KIF6: variants seen among roughly 807,000 people sequenced by gnomAD.
The protein encoded by KIF6 is kinesin-like protein KIF6.
In KIF6, 106 loss-of-function variants were observed where a neutral mutation model predicts 112.7. The observed-to-expected ratio is 0.94, with a 90% CI of 0.80 to 1.11. The LOEUF (loss-of-function observed/expected upper bound fraction) is 1.11, where lower values mean the gene tolerates loss of function less well. Ranked by LOEUF, KIF6 falls within the 50% of genes least tolerant of loss-of-function variation. The pLI is 0.00. For missense variants in KIF6, 929 were observed against 964.0 expected (o/e 0.96, Z 0.48); for synonymous variants, 339 against 339.9 (o/e 1.00, Z 0.03).
intron 13 of KIF6, among the ~76,000 whole-genome samples, chr6:39,490,356 G>A (rs1309797041): frequency 6.6e-6 from 1 of 152,314 alleles, no homozygotes; most frequent in Middle Eastern, 3.4e-3. Flanking sequence ...CAAGGTAAAA[G>A]TGTGAGTTAT....
At chr6:39,631,951 G>T (rs528884392) in intron 5 of KIF6, among the ~76,000 whole-genome samples, 10 of 152,050 alleles carry the variant, frequency 6.6e-5, no homozygotes, top group African/African-American at 2.4e-4. Context: ...AATAGTTATT[G>T]AAGTATTCAA....
At chr6:39,535,228 T>C (rs1778349685) in intron 13 of KIF6, among the ~76,000 whole-genome samples, 1 of 152,200 alleles carries the variant, frequency 6.6e-6, no homozygotes, top group African/African-American at 2.4e-5. Flanking sequence ...ACTTTAAATG[T>C]AAATGGACTA....
At chr6:39,590,605 C>T (rs1188660177) in intron 7 of KIF6, among the ~76,000 whole-genome samples, 1 of 151,684 alleles carries the variant, frequency 6.6e-6, no homozygotes, top group South Asian at 2.1e-4. Flanking sequence ...GCATGCAGCA[C>T]CATGCCCAAC....
intron 3 of KIF6, among the ~76,000 whole-genome samples, chr6:39,650,799 T>C (rs932941591): frequency 3.9e-5 from 6 of 152,120 alleles, no homozygotes; most frequent in Admixed American, 3.3e-4. Flanking sequence ...GTTTCTTTTA[T>C]AGGGATACAA....
At chr6:39,410,992 G>C (rs533619202) in intron 15 of KIF6, among the ~76,000 whole-genome samples, 2 of 152,324 alleles carry the variant, frequency 1.3e-5, no homozygotes, top group South Asian at 4.1e-4. Flanking sequence ...ACATGCTTAA[G>C]CCTGCCAGCA....
chr6:39,344,206 G>A (rs1763539977), intron 21 of KIF6, among the ~76,000 whole-genome samples: 1 of 152,306 alleles, frequency 6.6e-6, no homozygotes, highest in Non-Finnish European at 1.5e-5. Flanking sequence ...TTCATACGAG[G>A]TTTCCCCTCT....
At chr6:39,503,515 A>T (rs903827464) in intron 13 of KIF6, among the ~76,000 whole-genome samples, 4 of 128,960 alleles carry the variant, frequency 3.1e-5, no homozygotes, top group South Asian at 5.3e-4. Flanking sequence ...AAACCCCTTC[A>T]AAAAAAAATC....
At chr6:39,430,445 G>A (rs796198735) in intron 14 of KIF6, among the ~76,000 whole-genome samples, 6 of 152,284 alleles carry the variant, frequency 3.9e-5, no homozygotes, top group African/African-American at 1.4e-4. Flanking sequence ...ATCTGATAGA[G>A]TTTGTTTGCT....
At chr6:39,536,826 G>A (rs962530188) in intron 13 of KIF6, among the ~76,000 whole-genome samples, 1 of 152,128 alleles carries the variant, frequency 6.6e-6, no homozygotes, top group Non-Finnish European at 1.5e-5. Flanking sequence ...ATAAAATACT[G>A]GCAAAACGAA....
intron 19 of KIF6, among the ~76,000 whole-genome samples, chr6:39,356,308 C>T (rs1441850327): frequency 2.0e-5 from 3 of 151,976 alleles, no homozygotes; most frequent in Non-Finnish European, 4.4e-5. Context: ...CTCTGTCGCC[C>T]AGGCTGGAGT....
intron 16 of KIF6, among the ~76,000 whole-genome samples, chr6:39,369,133 A>G (rs760194538): frequency 4.6e-5 from 7 of 152,202 alleles, no homozygotes; most frequent in Non-Finnish European, 1.0e-4. Flanking sequence ...CTCAATTACC[A>G]CAATGGTCAG....
chr6:39,686,223 T>C (rs1787859962), intron 3 of KIF6, among the ~76,000 whole-genome samples: 1 of 152,252 alleles, frequency 6.6e-6, no homozygotes, highest in Non-Finnish European at 1.5e-5. Flanking sequence ...ATTTCAAATG[T>C]ATGTAAAATG....
At chr6:39,382,569 T>C (rs1298975748) in intron 16 of KIF6, among the ~76,000 whole-genome samples, 1 of 152,224 alleles carries the variant, frequency 6.6e-6, no homozygotes, top group African/African-American at 2.4e-5. Context: ...CTGCCATTGA[T>C]GGGCACCTAG....
chr6:39,588,736 T>C (rs112221870), intron 7 of KIF6, among the ~76,000 whole-genome samples: 3,291 of 152,258 alleles, frequency 0.022, 59 homozygotes, highest in Non-Finnish European at 0.032. Context: ...AGCCAAAACC[T>C]TAGGCAATCA....
intron 13 of KIF6, among the ~76,000 whole-genome samples, chr6:39,433,988 A>C (rs1296391936): frequency 6.6e-6 from 1 of 152,148 alleles, no homozygotes; most frequent in Non-Finnish European, 1.5e-5. Context: ...TTACTGAAGA[A>C]ATCACTTCCT....
intron 22 of KIF6, among the ~76,000 whole-genome samples, chr6:39,341,600 A>G (rs561774413): frequency 2.0e-5 from 3 of 152,128 alleles, no homozygotes; most frequent in Non-Finnish European, 4.4e-5. Flanking sequence ...TCTGAGCTCC[A>G]CTGATGCTCA....
chr6:39,403,089 G>A (rs1235511764), intron 15 of KIF6, among the ~76,000 whole-genome samples: 1 of 152,152 alleles, frequency 6.6e-6, no homozygotes, highest in Non-Finnish European at 1.5e-5. Context: ...TAAAATGACA[G>A]CTGAGGTCAT....
chr6:39,476,900 A>G (rs1184379014), intron 13 of KIF6, among the ~76,000 whole-genome samples: 1 of 152,234 alleles, frequency 6.6e-6, no homozygotes. Flanking sequence ...AGGATCACAT[A>G]TAATTTAAGA....
intron 3 of KIF6, among the ~76,000 whole-genome samples, chr6:39,646,079 C>A (rs1319340363): frequency 6.6e-6 from 1 of 150,966 alleles, no homozygotes; most frequent in Non-Finnish European, 1.5e-5. Flanking sequence ...TGTAACAAAC[C>A]TGCATGTTGT....
Sources: allele counts gnomAD v4.1 joint callset (sites outside exome capture counted in the v4.1 genomes callset), GRCh38; gene constraint gnomAD v4.1.1; transcripts MANE v1.5; gene names NCBI Gene and HGNC (gene_info 2026-07-23, HGNC 2026-07-21).